The following FSTL4 variants were observed in gnomAD, a reference collection of about 807,000 sequenced individuals.
The protein encoded by FSTL4 is follistatin like 4, also known as follistatin-related protein 4.
A neutral mutation model predicts 78.2 loss-of-function variants in FSTL4; 28 were observed. That is an observed-to-expected ratio of 0.36 (90% CI 0.27 to 0.49). The LOEUF (loss-of-function observed/expected upper bound fraction) is 0.49. FSTL4 is among the 20% of genes least tolerant of loss of function. FSTL4 has a pLI of 0.98. For synonymous variants in FSTL4, 422 were observed against 440.5 expected, an observed-to-expected ratio of 0.96 and a Z score of 0.53; for missense variants, 922 against 1,084.9, an observed-to-expected ratio of 0.85 and a Z score of 2.11.
At chr5:133,764,595 C>G in the FSTL4 span, among the ~76,000 whole-genome samples, 1 of 152,190 alleles carries the variant, frequency 6.6e-6, no homozygotes, top group African/African-American at 2.4e-5. Flanking sequence ...AAACCATGTG[C>G]CTTTTCAGAG....
chr5:133,503,896 C>T (rs1006025192), intron 3 of FSTL4, among the ~76,000 whole-genome samples: 5 of 152,136 alleles, frequency 3.3e-5, no homozygotes, highest in Non-Finnish European at 5.9e-5. Context: ...TCATAGTTTC[C>T]CAGGGCTGGG....
chr5:133,562,500 G>A (rs1759936699), intron 3 of FSTL4, among the ~76,000 whole-genome samples: 1 of 151,930 alleles, frequency 6.6e-6, no homozygotes, highest in Non-Finnish European at 1.5e-5. Context: ...TAGGAGATCT[G>A]CACTGCAAAG....
At chr5:133,641,580 A>G in the FSTL4 span, among the ~76,000 whole-genome samples, 1 of 152,202 alleles carries the variant, frequency 6.6e-6, no homozygotes, top group Non-Finnish European at 1.5e-5. Flanking sequence ...GTGTATGAAT[A>G]TATTTGCATG....
chr5:133,631,875 A>C, the FSTL4 span, among the ~76,000 whole-genome samples: 1 of 152,208 alleles, frequency 6.6e-6, no homozygotes, highest in Non-Finnish European at 1.5e-5. Context: ...GGAAACAATC[A>C]TTCTCAGCAA....
intron 3 of FSTL4, among the ~76,000 whole-genome samples, chr5:133,411,271 A>G (rs1322428975): frequency 2.6e-5 from 4 of 152,224 alleles, no homozygotes; most frequent in Non-Finnish European, 5.9e-5. Context: ...ACTGCAGAGG[A>G]GGAGTGACAC....
chr5:133,210,368 C>T, intron 13 of FSTL4, 70 bp from the exon 14 acceptor site: 1 of 873,198 alleles, frequency 1.1e-6, no homozygotes, highest in Non-Finnish European at 1.9e-6. Context: ...TATGCATGGG[C>T]ATCACTCCTG....
chr5:133,546,018 C>T (rs534696516), intron 3 of FSTL4, among the ~76,000 whole-genome samples: 1 of 152,158 alleles, frequency 6.6e-6, no homozygotes, highest in South Asian at 2.1e-4. Flanking sequence ...GACTGTAGAA[C>T]TTAAGAGCAA....
the FSTL4 span, among the ~76,000 whole-genome samples, chr5:133,732,652 C>A: frequency 6.6e-6 from 1 of 152,230 alleles, no homozygotes; most frequent in African/African-American, 2.4e-5. Flanking sequence ...CGGTCACACA[C>A]TTCCCACTGC....
chr5:133,302,712 C>G (rs1040096163), intron 6 of FSTL4, among the ~76,000 whole-genome samples: 4 of 152,238 alleles, frequency 2.6e-5, no homozygotes, highest in Admixed American at 2.0e-4. Flanking sequence ...CATCAGCTCA[C>G]AGACCACTGT....
intron 4 of FSTL4, among the ~76,000 whole-genome samples, chr5:133,339,999 T>C (rs779364395): frequency 1.3e-5 from 2 of 152,168 alleles, no homozygotes; most frequent in South Asian, 4.1e-4. Flanking sequence ...TCTCTTTTGC[T>C]CTTATTTCCC....
chr5:133,699,880 C>CAA, the FSTL4 span, among the ~76,000 whole-genome samples: 5,616 of 62,256 alleles, frequency 0.09, 502 homozygotes, highest in East Asian at 0.2. Flanking sequence ...GACTCCATCT[C>CAA]AAAAAAAAAA....
At chr5:133,702,402 A>G in the FSTL4 span, among the ~76,000 whole-genome samples, 2 of 152,004 alleles carry the variant, frequency 1.3e-5, no homozygotes, top group Admixed American at 1.3e-4. Context: ...TGAGCCAATA[A>G]CCCTGGAACC....
the FSTL4 span, among the ~76,000 whole-genome samples, chr5:133,768,212 C>T: frequency 4.6e-5 from 7 of 152,150 alleles, no homozygotes; most frequent in Non-Finnish European, 8.8e-5. Context: ...GGAGTGTACC[C>T]GGAGTTGTGA....
chr5:133,710,738 T>A, the FSTL4 span, among the ~76,000 whole-genome samples: 11 of 149,906 alleles, frequency 7.3e-5, no homozygotes, highest in African/African-American at 2.7e-4. Context: ...ACTAGTCAAA[T>A]CATAAGTAAA....
At chr5:133,691,629 C>T in the FSTL4 span, among the ~76,000 whole-genome samples, 8 of 152,064 alleles carry the variant, frequency 5.3e-5, no homozygotes, top group African/African-American at 1.7e-4. Flanking sequence ...CACTGAACCC[C>T]GCTCTTATTC....
At chr5:133,649,332 T>C in the FSTL4 span, among the ~76,000 whole-genome samples, 1 of 152,216 alleles carries the variant, frequency 6.6e-6, no homozygotes, top group African/African-American at 2.4e-5. Context: ...TATCCATGTG[T>C]AGGTTCTTGT....
the FSTL4 span, among the ~76,000 whole-genome samples, chr5:133,704,362 T>TA: frequency 6.6e-6 from 1 of 152,188 alleles, no homozygotes; most frequent in African/African-American, 2.4e-5. Context: ...TCTAGAGCAA[T>TA]AAGCAGAGAT....
the FSTL4 span, among the ~76,000 whole-genome samples, chr5:133,734,950 AGCGG>A: frequency 2.0e-5 from 3 of 152,204 alleles, no homozygotes; most frequent in Admixed American, 2.0e-4. Flanking sequence ...GAGAATGAAC[AGCGG>A]GCTGTGCAAT....
intron 13 of FSTL4, among the ~76,000 whole-genome samples, chr5:133,217,014 C>T (rs1485535551): frequency 1.3e-5 from 2 of 152,224 alleles, no homozygotes; most frequent in Non-Finnish European, 2.9e-5. Context: ...TGGTCCCCAA[C>T]TAGAATATGA....
Sources: gnomAD v4.1 joint callset for allele counts (sites outside exome capture counted in the v4.1 genomes callset) on GRCh38, gnomAD v4.1.1 for gene constraint, MANE v1.5 for transcripts, NCBI Gene and HGNC (gene_info 2026-07-23, HGNC 2026-07-21) for gene names.